IGSF22: variants seen among roughly 807,000 people sequenced by gnomAD.
The protein encoded by IGSF22 is immunoglobulin superfamily member 22, also known as immunoglobulin superfamily, member 22.
In IGSF22, 119 loss-of-function variants were observed where a neutral mutation model predicts 127.0. That is an observed-to-expected ratio of 0.94 (90% CI 0.81 to 1.09). IGSF22 has a LOEUF of 1.09. IGSF22 is among the 50% of genes least tolerant of loss of function. The probability of loss-of-function intolerance (pLI) is 0.00; values close to 1 mark genes in which losing one functional copy is unlikely to be tolerated. For missense variants in IGSF22, 1,518 were observed against 1,716.6 expected (o/e 0.88, Z 2.04); for synonymous variants, 568 against 664.7 (o/e 0.85, Z 2.24).
In IGSF22 at chr11:18,718,664, T is replaced by C. The variant is rs1388196510; in HGVS notation, c.761A>G (p.Asp254Gly). 6.2e-7 allele frequency: 1 copy of C among 1,613,832 alleles called. No homozygotes were observed. The highest frequency in any genetic ancestry group is 2.2e-5 in the East Asian group (1 of 44,896). ...ETKVDTTVVF[D>G]CIMELKDPNV... ...GGGGTCTTTCAGTTCCATTATGCAG[T>C]CAAAGACCACTGTGGTGTCAACCTT... Residue 254 changes from aspartate (D) to glycine (G), a missense_variant, in exon 8 of 23, where the codon GAC becomes GGC. This residue lies in a region of IGSF22 where 1,456 missense variants were observed against 1,644.9 expected (regional missense o/e 0.89). Coordinates refer to ENST00000513874, the MANE Select transcript of IGSF22 (RefSeq NM_173588.4).
At position 18,721,581 on chromosome 11, in the gene IGSF22, G is replaced by A. The variant is rs1848573679; in HGVS notation, c.332C>T (p.Ser111Phe). Residue 111 changes from serine (S) to phenylalanine (F), a missense_variant, in exon 4 of 23, where the codon TCC becomes TTC. Ser to Phe is a radical substitution (Grantham distance 155). Coordinates refer to ENST00000513874, the MANE Select transcript of IGSF22 (RefSeq NM_173588.4). ...AATGCTGTCGTAGAATATCTTGGCGGACTCCTTGATGGGGATGCCGCTCTC... is the reference window on the plus strand; with the variant it reads ...AATGCTGTCGTAGAATATCTTGGCGAACTCCTTGATGGGGATGCCGCTCTC... ...KRESGIPIKE[S>F]AKIFYDSINK... 6.2e-7 allele frequency: 1 copy of A among 1,614,126 alleles called. No homozygotes were observed. Among genetic ancestry groups the A allele is most frequent in the Non-Finnish European group, 8.5e-7 (1 of 1,180,050 alleles).
rs1848304038 is a variant in IGSF22, at chr11:18,709,208, TG to T, written c.2998+178del. On this transcript the variant is annotated intron_variant, in intron 18 of 22. Coordinates refer to ENST00000513874, the MANE Select transcript of IGSF22 (RefSeq NM_173588.4). The surrounding 1 kb of genome is among the most constrained non-coding windows in gnomAD (Gnocchi z 4.8). ...ACAGTAGATGCTATTTGGCACACAA[TG>T]ATTGATTTAGTAGGGGTGCCCCTGA... Among the ~76,000 whole-genome samples the T allele has an allele frequency of 7.7e-5, 1 of 12,948 alleles. No homozygotes were observed. Among genetic ancestry groups the T allele is most frequent in the Non-Finnish European group, 1.9e-4 (1 of 5,282 alleles). The allele number at this position is 12,948 out of a possible 152,430, so 8.5% of individuals were successfully genotyped here.
In IGSF22 at chr11:18,706,928, ATGAGCCAGG is replaced by A. The variant is rs1848247560; in HGVS notation, c.3557_3565del (p.Thr1186_Leu1188del). ...CCCAGACTCACTCTGGTCCTTATTGATGAGCCAGGTGTCCCTGGAGTCAAGTGGCTCACT... is the reference window on the plus strand; with the variant it reads ...CCCAGACTCACTCTGGTCCTTATTGATGTCCCTGGAGTCAAGTGGCTCACT... On this transcript the variant is annotated inframe_deletion, in exon 21 of 23. Transcript: ENST00000513874. 1.3e-6 allele frequency: 2 copies of A among 1,510,532 alleles called. No homozygotes were observed. Among genetic ancestry groups the A allele is most frequent in the Non-Finnish European group, 1.8e-6 (2 of 1,124,868 alleles). 93.6% of individuals were successfully genotyped at this position (1,510,532 alleles called of 1,614,324 possible). A position where few individuals can be genotyped will look rare whatever the true frequency, so the allele number is the denominator to read the frequency against.
At chr11:18,708,391 T>C (rs1848288659) in intron 18 of IGSF22, 96 bp from the exon 19 acceptor site, 1 of 908,034 alleles carries the variant, frequency 1.1e-6, no homozygotes, top group Non-Finnish European at 1.6e-6. Flanking sequence ...CCTCTCCTCC[T>C]TTATGCCCCC....
chr11:18,720,187 TTC>T lies in IGSF22; in HGVS notation c.475_476del (p.Glu159ArgfsTer29), dbSNP rs774352638. 5.0e-6 allele frequency: 8 copies of T among 1,614,084 alleles called. No individual in the cohort carries two copies. The South Asian group carries it at 8.8e-5, about 18-fold the overall frequency. ...GCCAAGAGGAAGGGGCCAACTCACC[TTC>T]TGTTACCAGCAGAGATACGGTATAG... Reference protein sequence around the residue: ...AIYTVSLLVTEGQEKMDFKKM... With the variant: ...AIYTVSLLVTXGQEKMDFKKM... On this transcript the variant is annotated frameshift_variant and splice_region_variant, in exon 5 of 23. Transcript: ENST00000513874. LOFTEE classifies it high-confidence loss of function.
At chr11:18,710,496 C>G in intron 16 of IGSF22, 41 bp from the exon 17 acceptor site, 1 of 1,611,672 alleles carries the variant, frequency 6.2e-7, no homozygotes, top group Non-Finnish European at 8.5e-7. Context: ...CAGAGGCATC[C>G]ATGGGGTGAG....
rs527583101 is a variant in IGSF22, at chr11:18,721,447, C to T, written c.378+88G>A. The stretch of plus-strand genomic sequence containing the variant: ...CCCGGCTCTCGGGCCGCCGTTAAGG[C>T]TCTCATCGGTGAGAAGACTGGCGGC... On this transcript the variant is annotated intron_variant, in intron 4 of 22. Coordinates refer to ENST00000513874, the MANE Select transcript of IGSF22 (RefSeq NM_173588.4). 113 of 1,559,494 alleles carry T rather than the reference C, an allele frequency of 7.2e-5. 2 individuals carry two copies. In the East Asian group the frequency reaches 2.2e-3, roughly 31 times the overall value.
rs376914068 is a variant in IGSF22 at position 18,720,056 on chromosome 11, A to G, written c.518+8T>C. On this transcript the variant is annotated splice_region_variant and intron_variant, in intron 6 of 22. Coordinates refer to ENST00000513874, the MANE Select transcript of IGSF22 (RefSeq NM_173588.4). ...AATATCTTGGGCAGAAGGACCTGCCAGCCTCACCTCTTCTTCAGCATCTTT... is the reference window on the plus strand; with the variant it reads ...AATATCTTGGGCAGAAGGACCTGCCGGCCTCACCTCTTCTTCAGCATCTTT... The G allele has an allele frequency of 1.2e-5, 20 of 1,614,022 alleles. No individual in the cohort carries two copies. In the African/African-American group the frequency reaches 2.7e-4, roughly 22 times the overall value.
chr11:18,721,865 G>C (rs996011154), intron 3 of IGSF22, 45 bp downstream of exon 3: 3 of 1,608,142 alleles, frequency 1.9e-6, no homozygotes, highest in Middle Eastern at 1.7e-4. Context: ...CACTCGATTA[G>C]AAAGCGAAGC....
rs755350156 is a variant in IGSF22 at position 18,721,641 on chromosome 11, T to G, written c.272A>C (p.Gln91Pro). Reference protein sequence around the residue: ...GDKAVFRARVQGNAKPHISWK... With the variant: ...GDKAVFRARVPGNAKPHISWK... ...GGAGATGTGGGGTTTGGCGTTCCCCTGCACCCGGGCTCGGAACACGGCTTT... is the reference window on the plus strand; with the variant it reads ...GGAGATGTGGGGTTTGGCGTTCCCCGGCACCCGGGCTCGGAACACGGCTTT... Residue 91 changes from glutamine to proline, a missense_variant, in exon 4 of 23, where the codon CAG becomes CCG. Physicochemically the swap from Gln to Pro is moderately conservative, Grantham distance 76. Around this residue, in one of 3 missense-constraint regions of IGSF22, gnomAD observed 1,456 missense variants for 1,644.9 expected, o/e 0.89. Transcript: ENST00000513874. 6.2e-7 allele frequency: 1 copy of G among 1,614,140 alleles called. No individual in the cohort carries two copies. The highest frequency in any genetic ancestry group is 8.5e-7 in the Non-Finnish European group (1 of 1,180,050).
chr11:18,720,110 A>G lies in IGSF22; in HGVS notation c.479-7T>C. On this transcript the variant is annotated splice_polypyrimidine_tract_variant and splice_region_variant and intron_variant, in intron 5 of 22. Transcript: ENST00000513874. ...AAGTCCATTTTCTCTTGACCTGAGG[A>G]TAGACAGAGGGACAGGTTCAGACAG... 1 of 1,614,164 alleles carries G rather than the reference A, an allele frequency of 6.2e-7. No individual in the cohort carries two copies. The highest frequency in any genetic ancestry group is 8.5e-7 in the Non-Finnish European group (1 of 1,180,006).
At position 18,705,972 on chromosome 11, in the gene IGSF22, T is replaced by C. The variant is rs1258940419; in HGVS notation, c.3755A>G (p.Asn1252Ser). 3.2e-6 allele frequency: 5 copies of C among 1,551,628 alleles called. No individual in the cohort carries two copies. Among genetic ancestry groups the C allele is most frequent in the East Asian group, 2.4e-5 (1 of 40,930 alleles). ...CCAGAACTTGGAGTTGGCCGTGATG[T>C]TGACGTCGCCCTTGTAGAGGGTCAC... Reference protein sequence around the residue: ...PTVTLYKGDVNITANSKFWYN... With the variant: ...PTVTLYKGDVSITANSKFWYN... Residue 1252 changes from asparagine to serine, a missense_variant, in exon 22 of 23, where the codon AAC (asparagine) becomes AGC (serine). Physicochemically the swap from Asn to Ser is conservative, Grantham distance 46 (BLOSUM62 1). Transcript: ENST00000513874.
rs1224375169 is a variant in IGSF22, at chr11:18,715,705, T to C, written c.1258A>G (p.Lys420Glu). The C allele has an allele frequency of 1.2e-6, 2 of 1,610,358 alleles. No individual in the cohort carries two copies. Among genetic ancestry groups the C allele is most frequent in the African/African-American group, 2.7e-5 (2 of 74,896 alleles). The change falls in exon 11 of 23, where the codon AAG becomes GAG. Residue 420 changes from lysine (K) to glutamate (E), a missense_variant. Lys to Glu is a moderately conservative substitution (Grantham distance 56). This residue lies in a region of IGSF22 where 1,456 missense variants were observed against 1,644.9 expected (regional missense o/e 0.89). Transcript: ENST00000513874. ...AQLTVDRIPI[K>E]FVSNLKNVRV... ...ACATTTTTGAGGTTGCTCACAAACT[T>C]GATGGGGATGCCTGTGGACAGACAG...
intron 3 of IGSF22, 87 bp downstream of exon 3, chr11:18,721,822 TG>T: frequency 6.3e-7 from 1 of 1,592,064 alleles, no homozygotes; most frequent in Non-Finnish European, 8.5e-7. Flanking sequence ...GGTTTAGCAT[TG>T]GAGGTCGTTG....
chr11:18,709,569 A>C lies in IGSF22; in HGVS notation c.2816T>G (p.Met939Arg), dbSNP rs1368571143. 6.2e-7 allele frequency: 1 copy of C among 1,614,074 alleles called. No individual in the cohort carries two copies. Residue 939 changes from methionine (M) to arginine (R), a missense_variant, in exon 18 of 23, where the codon ATG becomes AGG. This residue lies in a region of IGSF22 where 1,456 missense variants were observed against 1,644.9 expected (regional missense o/e 0.89). Coordinates refer to ENST00000513874, the MANE Select transcript of IGSF22 (RefSeq NM_173588.4). The surrounding 1 kb of genome is among the most constrained non-coding windows in gnomAD (Gnocchi z 4.8). ...CCACTCCTTTGTGTCTTCAGCCCTCATCTCAAGGATGTAGCCAGAGGGTGG... is the reference window on the plus strand; with the variant it reads ...CCACTCCTTTGTGTCTTCAGCCCTCCTCTCAAGGATGTAGCCAGAGGGTGG... ...GDPPSGYILE[M>R]RAEDTKEWSK...
chr11:18,724,438 T>C (rs1305244597), intron 1 of IGSF22, among the ~76,000 whole-genome samples, 169 bp from the exon 2 acceptor site: 2 of 152,196 alleles, frequency 1.3e-5, no homozygotes, highest in African/African-American at 4.8e-5. Flanking sequence ...CCTGGTTAGT[T>C]ACCAGACCCA....
Position 18,715,423 on chromosome 11 carries a change from G to A in IGSF22, c.1531+9C>T, listed in dbSNP as rs376496514. 2.0e-5 allele frequency: 32 copies of A among 1,602,380 alleles called. No homozygotes were observed. Among genetic ancestry groups the A allele is most frequent in the South Asian group, 1.9e-4 (17 of 90,756 alleles). ...ATTGGTCAGTGGGGATTGATAGGGC[G>A]GGTGTTACCCTCCACAGTGACGATG... On this transcript the variant is annotated intron_variant, in intron 11 of 22. Coordinates refer to ENST00000513874, the MANE Select transcript of IGSF22 (RefSeq NM_173588.4).
Position 18,712,355 on chromosome 11 carries a change from C to T in IGSF22, c.2125G>A (p.Glu709Lys). 1.3e-6 allele frequency: 2 copies of T among 1,551,528 alleles called. No homozygotes were observed. The highest frequency in any genetic ancestry group is 1.7e-6 in the Non-Finnish European group (2 of 1,146,860). The change falls in exon 15 of 23, where the codon GAG becomes AAG. Residue 709 changes from glutamate to lysine, a missense_variant. Transcript: ENST00000513874. ...DRPKPPQGRV[E>K]FLELSGSCVH... is the part of the protein sequence containing the mutation. ...CAACTACCTGAGAGCTCCAGGAACT[C>T]CACCCGGCCCTGTGGAGGCTTTGGA...
intron 17 of IGSF22, 129 bp downstream of exon 17, chr11:18,710,198 G>A (rs1848324807): frequency 8.3e-7 from 1 of 1,206,810 alleles, no homozygotes; most frequent in Non-Finnish European, 1.2e-6. Context: ...GTCCCTCTAT[G>A]AGGCTGGCAG....
Sources: gnomAD v4.1 joint callset for allele counts (sites outside exome capture counted in the v4.1 genomes callset) on GRCh38, gnomAD v4.1.1 for gene constraint, gnomAD v4.1.1 regional missense constraint, Gnocchi (gnomAD v3.1) non-coding constraint, MANE v1.5 for transcripts, NCBI Gene and HGNC (gene_info 2026-07-23, HGNC 2026-07-21) for gene names.